CEP70: variants seen among roughly 807,000 people sequenced by gnomAD.
CEP70 encodes centrosomal protein 70.
In CEP70, 70 loss-of-function variants were observed where a neutral mutation model predicts 90.9. That is an observed-to-expected ratio of 0.77 (90% CI 0.64 to 0.94). CEP70 has a LOEUF of 0.94. Among genes scored for constraint, CEP70 ranks in the 40% least tolerant of loss-of-function variants. CEP70 has a pLI of 0.00. For missense variants in CEP70, 648 were observed against 669.0 expected, an observed-to-expected ratio of 0.97 and a Z score of 0.35; for synonymous variants, 220 against 228.3, an observed-to-expected ratio of 0.96 and a Z score of 0.33.
chr3:138,531,742 C>T (rs1303931376), intron 8 of CEP70: 1 of 134,030 alleles, frequency 7.5e-6, no homozygotes, highest in African/African-American at 2.8e-5. Context: ...TACAGATAAT[C>T]AGCAACCAGC....
chr3:138,528,089 G>A (rs546514698), intron 10 of CEP70, among the ~76,000 whole-genome samples: 1 of 147,474 alleles, frequency 6.8e-6, no homozygotes, highest in Non-Finnish European at 1.5e-5. Context: ...CTGTCACACA[G>A]GCTGGAGTAC....
intron 7 of CEP70, 118 bp downstream of exon 7, chr3:138,537,060 G>T: frequency 1.8e-6 from 1 of 570,464 alleles, no homozygotes; most frequent in Non-Finnish European, 2.8e-6. Flanking sequence ...AAGAGGAGGA[G>T]AGAGAGGCTT....
chr3:138,516,127 T>C (rs758310025), intron 11 of CEP70, among the ~76,000 whole-genome samples: 2 of 152,188 alleles, frequency 1.3e-5, no homozygotes, highest in Non-Finnish European at 2.9e-5. Flanking sequence ...TTAGTACTTA[T>C]AGCATATCGA....
intron 14 of CEP70, 49 bp downstream of exon 14, chr3:138,500,686 G>A (rs755347626): frequency 6.6e-7 from 1 of 1,516,512 alleles, no homozygotes; most frequent in Non-Finnish European, 8.9e-7. Context: ...CAATTTATCA[G>A]TTTTTGAGAT....
chr3:138,506,399 T>C (rs2034991890), intron 12 of CEP70, among the ~76,000 whole-genome samples: 1 of 152,184 alleles, frequency 6.6e-6, no homozygotes, highest in Non-Finnish European at 1.5e-5. Flanking sequence ...TATATTAAGA[T>C]AGTATACTAT....
chr3:138,498,536 G>A (rs1407485516), intron 16 of CEP70, among the ~76,000 whole-genome samples: 3 of 151,082 alleles, frequency 2.0e-5, no homozygotes, highest in African/African-American at 7.3e-5. Context: ...GGGTTTCACC[G>A]TGTTAGCCAG....
At chr3:138,529,513 A>G (rs2037619538) in intron 8 of CEP70, 51 bp from the exon 9 acceptor site, 2 of 1,121,660 alleles carry the variant, frequency 1.8e-6, no homozygotes, top group African/African-American at 1.6e-5. Context: ...CTTCAAAGAA[A>G]AAAACTAATT....
chr3:138,571,210 T>C (rs1296245270), intron 4 of CEP70, 53 bp from the exon 5 acceptor site: 1 of 1,551,708 alleles, frequency 6.4e-7, no homozygotes, highest in Non-Finnish European at 8.7e-7. Context: ...GCAAAAAAAA[T>C]TTTTTAAGGA....
intron 5 of CEP70, 90 bp downstream of exon 5, chr3:138,570,944 A>G: frequency 9.0e-7 from 1 of 1,106,304 alleles, no homozygotes; most frequent in Non-Finnish European, 1.3e-6. Flanking sequence ...TTTAATCAAA[A>G]TGGGAAATTA....
chr3:138,499,949 T>G, intron 16 of CEP70, 161 bp downstream of exon 16: 1 of 567,156 alleles, frequency 1.8e-6, no homozygotes, highest in Non-Finnish European at 3.2e-6. Flanking sequence ...TTAATTTTTA[T>G]TGTTTAGAGA....
At position 138,546,260 on chromosome 3, in the gene CEP70, G is replaced by A. The variant is rs750175594; in HGVS notation, c.466-8913C>T. ...GAACCTACGTTGAAATACTGGGGGC[G>A]GGTTCCCCCAGCAGAAAATATGTAT... is the stretch of plus-strand genomic sequence containing the variant. On this transcript the variant is annotated intron_variant, in intron 6 of 17. Transcript: ENST00000264982. Among the ~76,000 whole-genome samples the A allele has an allele frequency of 2.6e-5, 4 of 152,154 alleles. No homozygotes were observed. In the East Asian group the frequency reaches 5.8e-4, roughly 22 times the overall value.
At position 138,570,887 on chromosome 3, in the gene CEP70, A is replaced by G. The variant is rs2041126971; in HGVS notation, c.284+147T>C. ...ATCTATGCTAAGCTATTACCAAAAG[A>G]TTTACCTATTAAAATTTTACCTACA... On this transcript the variant is annotated intron_variant, in intron 5 of 17. Coordinates refer to ENST00000264982, the MANE Select transcript of CEP70 (RefSeq NM_024491.4). The G allele has an allele frequency of 6.7e-6, 4 of 599,462 alleles. 1 individual carries two copies. The East Asian group carries it at 1.2e-4, about 19-fold the overall frequency. The allele number at this position is 599,462 out of a possible 1,614,324, so 37.1% of individuals were successfully genotyped here. A position where few individuals can be genotyped will look rare whatever the true frequency, so the allele number is the denominator to read the frequency against.
intron 6 of CEP70, among the ~76,000 whole-genome samples, chr3:138,539,853 C>T (rs1199646197): frequency 6.6e-6 from 1 of 151,980 alleles, no homozygotes; most frequent in African/African-American, 2.4e-5. Flanking sequence ...ATAAGCCTAC[C>T]CCAAGGCATA....
chr3:138,500,239 T>C lies in CEP70; in HGVS notation c.1538-15A>G. The C allele has an allele frequency of 6.3e-7, 1 of 1,585,876 alleles. No homozygotes were observed. The highest frequency in any genetic ancestry group is 8.6e-7 in the Non-Finnish European group (1 of 1,156,690). On this transcript the variant is annotated splice_polypyrimidine_tract_variant and intron_variant, in intron 15 of 17. Transcript: ENST00000264982. ...GGATGAACTATCTGCAAAAGAGAAA[T>C]AAAAGGATATTTTAACAGAGAATTT...
intron 11 of CEP70, among the ~76,000 whole-genome samples, chr3:138,521,754 T>C (rs1339790279): frequency 2.0e-5 from 3 of 152,144 alleles, no homozygotes; most frequent in African/African-American, 7.2e-5. Flanking sequence ...GAGGAGCCCT[T>C]CTGCCCGGCC....
At chr3:138,568,016 A>T (rs2040906200) in intron 6 of CEP70, among the ~76,000 whole-genome samples, 1 of 152,086 alleles carries the variant, frequency 6.6e-6, no homozygotes, top group African/African-American at 2.4e-5. Flanking sequence ...TTCTGTTTAC[A>T]CTCTATAAAA....
intron 6 of CEP70, among the ~76,000 whole-genome samples, chr3:138,542,101 G>A (rs1170953689): frequency 3.3e-5 from 5 of 152,238 alleles, no homozygotes; most frequent in Non-Finnish European, 7.3e-5. Flanking sequence ...CTAAGGGCAA[G>A]CCAGGTGCAG....
At chr3:138,524,003 C>T (rs2036953606) in intron 11 of CEP70, among the ~76,000 whole-genome samples, 1 of 132,798 alleles carries the variant, frequency 7.5e-6, no homozygotes, top group African/African-American at 3.3e-5. Context: ...ACCAAAACAG[C>T]ATGGTACTGG....
intron 6 of CEP70, among the ~76,000 whole-genome samples, chr3:138,555,654 C>T (rs1253189491): frequency 1.3e-5 from 2 of 152,158 alleles, no homozygotes; most frequent in Admixed American, 6.5e-5. Flanking sequence ...CCAACAAACA[C>T]ATGAAAACAT....
Sources: allele counts gnomAD v4.1 joint callset (sites outside exome capture counted in the v4.1 genomes callset), GRCh38; gene constraint gnomAD v4.1.1; transcripts MANE v1.5; gene names NCBI Gene and HGNC (gene_info 2026-07-23, HGNC 2026-07-21).